Variants in SLC24A5 observed in about 807,000 individuals in gnomAD.
SLC24A5 encodes solute carrier family 24 member 5.
SLC24A5 carries 46 observed loss-of-function variants against 51.6 expected under a neutral mutation model. The observed-to-expected ratio is 0.89, with a 90% confidence interval of 0.70 to 1.14. The LOEUF is 1.14. SLC24A5 is among the 50% of genes most tolerant of loss of function. The pLI is 0.00. For missense variants in SLC24A5, 581 were observed against 604.1 expected (o/e 0.96, Z 0.40); for synonymous variants, 230 against 214.9 (o/e 1.07, Z -0.62).
intron 8 of SLC24A5, 118 bp from the exon 9 acceptor site, chr15:48,141,911 A>ATTTTT: frequency 1.3e-6 from 1 of 746,376 alleles, no homozygotes; most frequent in Admixed American, 2.7e-5. Context: ...TGCTCTAACA[A>ATTTTT]CAATTTTTCA....
At chr15:48,131,878 A>G (rs145907211) in intron 2 of SLC24A5, among the ~76,000 whole-genome samples, 37 of 152,230 alleles carry the variant, frequency 2.4e-4, no homozygotes, top group African/African-American at 8.4e-4. Context: ...AACTTTTCAC[A>G]ATGGTTTTTC....
chr15:48,127,677 T>A (rs1473573988), intron 2 of SLC24A5, among the ~76,000 whole-genome samples: 2 of 151,912 alleles, frequency 1.3e-5, no homozygotes, highest in Non-Finnish European at 2.9e-5. Context: ...TATTAGCCAG[T>A]CGTGGTGGCA....
chr15:48,124,607 AAAAT>A (rs2038712357), intron 2 of SLC24A5: 3 of 152,200 alleles, frequency 2.0e-5, no homozygotes, highest in Admixed American at 1.3e-4. Context: ...GGAGAAGTGA[AAAAT>A]AAATAAAAAA....
chr15:48,142,025 G>T lies in SLC24A5; in HGVS notation c.1181-4G>T, dbSNP rs1272701091. 1.9e-6 allele frequency: 3 copies of T among 1,596,982 alleles called. No individual in the cohort carries two copies. The highest frequency in any genetic ancestry group is 1.3e-5 in the African/African-American group (1 of 74,172). On this transcript the variant is annotated splice_polypyrimidine_tract_variant and splice_region_variant and intron_variant, in intron 8 of 8. Transcript: ENST00000341459. Reference sequence around the variant, plus strand: ...CATTTTAACAGTATGCTTTTCTTTTGTAGGGAAAGGAGATATGGCTATGTC... The same window carrying T: ...CATTTTAACAGTATGCTTTTCTTTTTTAGGGAAAGGAGATATGGCTATGTC...
chr15:48,121,820 C>G (rs1451920415), intron 1 of SLC24A5, 37 bp from the exon 2 acceptor site: 10 of 1,607,486 alleles, frequency 6.2e-6, no homozygotes, highest in Non-Finnish European at 8.5e-6. Context: ...TGTGTGACTC[C>G]AAACTCTTCA....
chr15:48,140,512 C>T (rs980061770), intron 7 of SLC24A5: 1 of 152,010 alleles, frequency 6.6e-6, no homozygotes, highest in Non-Finnish European at 1.5e-5. Context: ...AAATGTTGAC[C>T]TGACATCAAA....
chr15:48,137,052 T>C (rs2038919286), intron 6 of SLC24A5, 89 bp downstream of exon 6: 1 of 1,396,234 alleles, frequency 7.2e-7, no homozygotes, highest in South Asian at 1.5e-5. Flanking sequence ...TTGTGTGCTT[T>C]TTATGTAAAA....
At chr15:48,141,480 G>A (rs1217338846) in intron 8 of SLC24A5, 2 of 245,730 alleles carry the variant, frequency 8.1e-6, no homozygotes, top group Non-Finnish European at 1.6e-5. Context: ...AGGAGGCTGA[G>A]GCAGGAGAAT....
chr15:48,129,223 A>G lies in SLC24A5; in HGVS notation c.302-5035A>G, dbSNP rs180928226. On this transcript the variant is annotated intron_variant, in intron 2 of 8. Coordinates refer to ENST00000341459, the MANE Select transcript of SLC24A5 (RefSeq NM_205850.3). ...TGAGTTGGTAAATGTAAGGTAATCA[A>G]GTTATCTTACTTATTGTTAAAAACA... Among the ~76,000 whole-genome samples the G allele has an allele frequency of 1.5e-3, 229 of 152,228 alleles. 2 individuals are homozygous for G. Among genetic ancestry groups the G allele is most frequent in the Non-Finnish European group, 2.8e-4 (19 of 67,980 alleles).
Position 48,137,084 on chromosome 15 carries a change from TGA to T in SLC24A5, c.871+122_871+123del, listed in dbSNP as rs1250715214. 5 of 1,078,204 alleles carry T rather than the reference TGA, an allele frequency of 4.6e-6. 1 individual carries two copies. The African/African-American group carries it at 7.9e-5, about 17-fold the overall frequency. The allele number at this position is 1,078,204 out of a possible 1,614,324, so 66.8% of individuals were successfully genotyped here. A position where few individuals can be genotyped will look rare whatever the true frequency, so the allele number is the denominator to read the frequency against. ...AAAAAAGACTGTGAAGACTCAGAAATGATAAAGACCAAGTCCCTACCTTTAAG... is the reference window on the plus strand; with the variant it reads ...AAAAAAGACTGTGAAGACTCAGAAATTAAAGACCAAGTCCCTACCTTTAAG... On this transcript the variant is annotated intron_variant, in intron 6 of 8. Transcript: ENST00000341459.
chr15:48,134,565 T>C (rs1421810475), intron 4 of SLC24A5, 27 bp downstream of exon 4: 11 of 1,556,416 alleles, frequency 7.1e-6, no homozygotes, highest in Admixed American at 3.4e-5. Flanking sequence ...TTCAACAAAA[T>C]GTATTGTCTT....
Position 48,122,306 on chromosome 15 carries a change from G to A in SLC24A5, c.301+270G>A, listed in dbSNP as rs187342245. On this transcript the variant is annotated intron_variant, in intron 2 of 8. Transcript: ENST00000341459. ...TCTCTAGTTTGTCTACTGCCTGGAT[G>A]TTTGTTATAAGAACTGTTCCAAGAT... The A allele has an allele frequency of 1.0e-5, 6 of 579,466 alleles. No individual in the cohort carries two copies. The Admixed American group carries it at 1.2e-4, about 12-fold the overall frequency. The allele number at this position is 579,466 out of a possible 1,614,324, so 35.9% of individuals were successfully genotyped here. A position where few individuals can be genotyped will look rare whatever the true frequency, so the allele number is the denominator to read the frequency against.
At chr15:48,134,380 G>C in intron 3 of SLC24A5, 39 bp downstream of exon 3, 1 of 1,610,564 alleles carries the variant, frequency 6.2e-7, no homozygotes, top group Non-Finnish European at 8.5e-7. Context: ...TACTCAGTGT[G>C]ATTTTTATTT....
intron 5 of SLC24A5, chr15:48,135,902 T>A (rs1366037679): frequency 6.6e-6 from 1 of 152,112 alleles, no homozygotes; most frequent in East Asian, 1.9e-4. Flanking sequence ...CAGTTGTCTG[T>A]AAGGGATAGT....
intron 7 of SLC24A5, 40 bp downstream of exon 7, chr15:48,139,215 C>A: frequency 1.3e-6 from 2 of 1,518,804 alleles, no homozygotes; most frequent in South Asian, 1.1e-5. Context: ...TGAAAATATT[C>A]ATATAAGAAC....
At position 48,136,671 on chromosome 15, in the gene SLC24A5, T is replaced by C. The variant is rs1160645439; in HGVS notation, c.591-12T>C. Reference sequence around the variant, plus strand: ...CACTTTTAATTTAAAAACACAAATTTCTCTTTTGTAGGTATGAAGGGGCTT... The same window carrying C: ...CACTTTTAATTTAAAAACACAAATTCCTCTTTTGTAGGTATGAAGGGGCTT... On this transcript the variant is annotated splice_polypyrimidine_tract_variant and intron_variant, in intron 5 of 8. Coordinates refer to ENST00000341459, the MANE Select transcript of SLC24A5 (RefSeq NM_205850.3). 6.3e-7 allele frequency: 1 copy of C among 1,576,328 alleles called. No homozygotes were observed. The highest frequency in any genetic ancestry group is 8.6e-7 in the Non-Finnish European group (1 of 1,162,162).
chr15:48,140,985 C>A, intron 7 of SLC24A5, 128 bp from the exon 8 acceptor site: 1 of 667,658 alleles, frequency 1.5e-6, no homozygotes, highest in Non-Finnish European at 2.5e-6. Context: ...AATAAGCAAG[C>A]ACATATTGGC....
intron 2 of SLC24A5, among the ~76,000 whole-genome samples, chr15:48,132,586 A>G (rs2038801758): frequency 6.6e-6 from 1 of 152,134 alleles, no homozygotes; most frequent in African/African-American, 2.4e-5. Flanking sequence ...AACAACAATT[A>G]CTTTCACGGT....
At chr15:48,137,455 T>G (rs1163469866) in intron 6 of SLC24A5, 1 of 152,296 alleles carries the variant, frequency 6.6e-6, no homozygotes, top group Non-Finnish European at 1.5e-5. Flanking sequence ...TTAAATGCTA[T>G]TTTAAGAATC....
Sources: allele counts gnomAD v4.1 joint callset (sites outside exome capture counted in the v4.1 genomes callset), GRCh38; gene constraint gnomAD v4.1.1; transcripts MANE v1.5; gene names NCBI Gene and HGNC (gene_info 2026-07-23, HGNC 2026-07-21).